Variants in WASHC3 observed in about 807,000 individuals in gnomAD.
WASHC3 encodes WASH complex subunit 3.
In WASHC3, 24 loss-of-function variants were observed where a neutral mutation model predicts 26.1. The ratio of observed to expected loss-of-function variants is 0.92; its 90% CI spans 0.66 to 1.29. The LOEUF (loss-of-function observed/expected upper bound fraction) is 1.29, where lower values mean the gene tolerates loss of function less well. Among genes scored for constraint, WASHC3 ranks in the 50% most tolerant of loss-of-function variants. The pLI is 0.00. For synonymous variants in WASHC3, 77 were observed against 75.7 expected, an observed-to-expected ratio of 1.02 and a Z score of -0.09; for missense variants, 214 against 229.6, an observed-to-expected ratio of 0.93 and a Z score of 0.44.
intron 6 of WASHC3, among the ~76,000 whole-genome samples, chr12:102,014,355 G>C (rs1594343950): frequency 1.3e-5 from 2 of 152,004 alleles, no homozygotes; most frequent in South Asian, 4.2e-4. Context: ...ATAGATGCGA[G>C]CCCGTGCCTG....
chr12:102,057,990 C>T (rs1204885136), intron 2 of WASHC3, among the ~76,000 whole-genome samples: 1 of 152,020 alleles, frequency 6.6e-6, no homozygotes, highest in African/African-American at 2.4e-5. Context: ...AGAGAGATCA[C>T]ACTCTCTGAT....
intron 2 of WASHC3, among the ~76,000 whole-genome samples, chr12:102,046,847 G>A (rs372950851): frequency 1.7e-4 from 26 of 152,256 alleles, no homozygotes; most frequent in African/African-American, 5.1e-4. Context: ...AAGACACGCT[G>A]CAACAAGGTC....
intron 6 of WASHC3, 91 bp downstream of exon 6, chr12:102,025,883 A>G: frequency 1.4e-6 from 1 of 732,148 alleles, no homozygotes; most frequent in Non-Finnish European, 2.3e-6. Flanking sequence ...CACTGTAGGA[A>G]TAAAAATACA....
chr12:102,028,795 TAATAAGAATTATATCAC>T (rs1233087695), intron 5 of WASHC3, among the ~76,000 whole-genome samples: 1 of 149,982 alleles, frequency 6.7e-6, no homozygotes, highest in African/African-American at 2.4e-5. Flanking sequence ...ATAATAAGAA[TAATAAGAATTATATCAC>T]AATAAGAATT....
chr12:102,051,953 T>C (rs1489908083), intron 2 of WASHC3, among the ~76,000 whole-genome samples: 1 of 152,166 alleles, frequency 6.6e-6, no homozygotes, highest in East Asian at 1.9e-4. Context: ...ATTGCTAAAA[T>C]ATATATTGTA....
At chr12:102,034,817 A>T (rs55662086) in intron 5 of WASHC3, among the ~76,000 whole-genome samples, 5,950 of 117,660 alleles carry the variant, frequency 0.051, 155 homozygotes, top group African/African-American at 0.094. Flanking sequence ...TGTGTGTGTG[A>T]GTATGTAAAT....
rs1158535141 is a variant in WASHC3, at chr12:102,039,898, T to C, written c.405A>G (p.Arg135=). 13 of 1,597,340 alleles carry C rather than the reference T, an allele frequency of 8.1e-6. No individual in the cohort carries two copies. The highest frequency in any genetic ancestry group is 1.0e-5 in the Non-Finnish European group (12 of 1,165,336). ...GAACCATTTTGAGATATCTGGCATA[T>C]CTTGGATCCTTGGCTACAGTTAAGA... ...ENILTVAKDP[R]YARYLKMVQV... The change falls in exon 5 of 7, where the codon AGA becomes AGG. Residue 135 remains arginine (R), a synonymous_variant. Coordinates refer to ENST00000240079, the MANE Select transcript of WASHC3 (RefSeq NM_016053.4).
chr12:102,025,243 G>A (rs1877125205), intron 6 of WASHC3, among the ~76,000 whole-genome samples: 1 of 151,986 alleles, frequency 6.6e-6, no homozygotes, highest in African/African-American at 2.4e-5. Context: ...TTCTTTACAA[G>A]TACCTAGATA....
At chr12:102,057,823 G>A (rs1464195043) in intron 2 of WASHC3, among the ~76,000 whole-genome samples, 1 of 151,886 alleles carries the variant, frequency 6.6e-6, no homozygotes, top group Admixed American at 6.6e-5. Flanking sequence ...GTTGTTACAA[G>A]GTTGACACCA....
intron 5 of WASHC3, among the ~76,000 whole-genome samples, chr12:102,033,334 G>C (rs909970850): frequency 1.3e-5 from 2 of 152,024 alleles, no homozygotes; most frequent in Admixed American, 6.6e-5. Flanking sequence ...GAAGCTGAAA[G>C]GTCTTGAAAA....
intron 2 of WASHC3, among the ~76,000 whole-genome samples, chr12:102,058,469 A>C (rs1878676925): frequency 6.6e-6 from 1 of 152,114 alleles, no homozygotes; most frequent in Admixed American, 6.5e-5. Context: ...TTATTTTTTA[A>C]AAATTATTTT....
intron 2 of WASHC3, among the ~76,000 whole-genome samples, chr12:102,054,115 T>C (rs1878500042): frequency 6.6e-6 from 1 of 152,072 alleles, no homozygotes; most frequent in South Asian, 2.1e-4. Flanking sequence ...GGAATCAAAG[T>C]ATATCACTAG....
At chr12:102,053,997 TTA>T (rs1376754675) in intron 2 of WASHC3, among the ~76,000 whole-genome samples, 1 of 152,218 alleles carries the variant, frequency 6.6e-6, no homozygotes, top group East Asian at 1.9e-4. Context: ...ATGTTATCAA[TTA>T]TGTTATTATC....
At chr12:102,061,786 G>T in intron 1 of WASHC3, 126 bp downstream of exon 1, 1 of 738,834 alleles carries the variant, frequency 1.4e-6, no homozygotes, top group Non-Finnish European at 2.2e-6. Context: ...AGGCCCCACA[G>T]GCCTGTCACA....
chr12:102,015,014 A>G (rs1400297236), intron 6 of WASHC3, among the ~76,000 whole-genome samples: 2 of 152,190 alleles, frequency 1.3e-5, no homozygotes, highest in Admixed American at 1.3e-4. Flanking sequence ...TACTTTAGAA[A>G]AGGGTAGGCC....
At chr12:102,037,440 C>G (rs1438012047) in intron 5 of WASHC3, among the ~76,000 whole-genome samples, 1 of 152,052 alleles carries the variant, frequency 6.6e-6, no homozygotes, top group East Asian at 1.9e-4. Flanking sequence ...AATAGGGTGG[C>G]CAAGGAAGGC....
At chr12:102,043,989 G>T in intron 4 of WASHC3, 116 bp downstream of exon 4, 2 of 501,328 alleles carry the variant, frequency 4.0e-6, no homozygotes, top group Admixed American at 3.7e-5. Flanking sequence ...CTATGTTAAG[G>T]TTTTAAAATT....
chr12:102,042,043 A>G (rs901860567), intron 4 of WASHC3, among the ~76,000 whole-genome samples: 1 of 152,136 alleles, frequency 6.6e-6, no homozygotes, highest in Non-Finnish European at 1.5e-5. Flanking sequence ...TAATAATCAA[A>G]GTTAGACAGG....
chr12:102,058,983 T>C lies in WASHC3; in HGVS notation c.150+2265A>G, dbSNP rs575301224. On this transcript the variant is annotated intron_variant, in intron 2 of 6. Coordinates refer to ENST00000240079, the MANE Select transcript of WASHC3 (RefSeq NM_016053.4). ...GATACTGAATGATCTCACTTATATA[T>C]GGAGGATAAAAAAGTACAACTCATA... 9.7e-4 allele frequency among the ~76,000 whole-genome samples: 148 copies of C among 152,246 alleles called. 1 individual carries two copies. Among genetic ancestry groups the C allele is most frequent in the African/African-American group, 3.5e-3 (147 of 41,562 alleles).
Sources: allele counts gnomAD v4.1 joint callset (sites outside exome capture counted in the v4.1 genomes callset), GRCh38; gene constraint gnomAD v4.1.1; transcripts MANE v1.5; gene names NCBI Gene and HGNC (gene_info 2026-07-23, HGNC 2026-07-21).